The following S1PR2 variants were observed in gnomAD, a reference collection of about 807,000 sequenced individuals.
The protein encoded by S1PR2 is sphingosine 1-phosphate receptor 2.
Under a neutral mutation model 16.1 loss-of-function variants are expected in S1PR2, and 9 were observed. That is an observed-to-expected ratio of 0.56 (90% CI 0.34 to 0.98). S1PR2 has a LOEUF of 0.98. Among genes scored for constraint, S1PR2 ranks in the 50% least tolerant of loss-of-function variants. The probability of loss-of-function intolerance (pLI) is 0.02; values close to 1 mark genes in which losing one functional copy is unlikely to be tolerated. For missense variants in S1PR2, 361 were observed against 488.4 expected (o/e 0.74, Z 2.46); for synonymous variants, 224 against 233.9 (o/e 0.96, Z 0.38).
At position 10,222,839 on chromosome 19, in the gene S1PR2, G is replaced by A. The variant is rs2039601457; in HGVS notation, c.*1005C>T. On this transcript the variant is annotated 3_prime_UTR_variant, in exon 2 of 2. Transcript: ENST00000646641. ...ATTCGAAAAGGAGAAATCGGTGCAG[G>A]ACTAGGGGCCAGGGAAGAAAATGCA... 6.6e-6 allele frequency: 1 copy of A among 152,322 alleles called. No homozygotes were observed. The highest frequency in any genetic ancestry group is 1.5e-5 in the Non-Finnish European group (1 of 68,186). The allele number at this position is 152,322 out of a possible 1,614,324, so 9.4% of individuals were successfully genotyped here. A position where few individuals can be genotyped will look rare whatever the true frequency, so the allele number is the denominator to read the frequency against.
At chr19:10,226,327 C>T (rs1025045903) in intron 1 of S1PR2, among the ~76,000 whole-genome samples, 1 of 152,204 alleles carries the variant, frequency 6.6e-6, no homozygotes, top group Admixed American at 6.5e-5. Context: ...AGGACACAGA[C>T]CTTGAAGGCA....
chr19:10,224,105 G>A lies in S1PR2; in HGVS notation c.801C>T (p.Leu267=). ...YACPVHSCPI[L]YKAHYFFAVS... ...CGGCGAAAAAGTAGTGGGCTTTGTA[G>A]AGGATCGGGCAGGAGTGGACGGGAC... The change falls in exon 2 of 2, where the codon CTC becomes CTT. Residue 267 remains leucine, a synonymous_variant. Transcript: ENST00000646641. 3 of 1,605,240 alleles carry A rather than the reference G, an allele frequency of 1.9e-6. No homozygotes were observed. Among genetic ancestry groups the A allele is most frequent in the South Asian group, 2.2e-5 (2 of 91,092 alleles).
At chr19:10,228,336 A>G (rs948018748) in intron 1 of S1PR2, among the ~76,000 whole-genome samples, 5 of 148,282 alleles carry the variant, frequency 3.4e-5, no homozygotes, top group Admixed American at 1.4e-4. Context: ...AAAACAAAAC[A>G]AAATGAAATG....
intron 1 of S1PR2, chr19:10,230,378 C>G (rs2145446730): frequency 6.5e-6 from 1 of 154,612 alleles, no homozygotes; most frequent in Admixed American, 6.5e-5. Flanking sequence ...TCTGGGAAGA[C>G]TGGGGGTGGG....
At position 10,222,434 on chromosome 19, in the gene S1PR2, T is replaced by C. The variant is rs1599233840; in HGVS notation, c.*1410A>G. On this transcript the variant is annotated 3_prime_UTR_variant, in exon 2 of 2. Coordinates refer to ENST00000646641, the MANE Select transcript of S1PR2 (RefSeq NM_004230.4). ...CTGAGAATAGCTTGGGGGGTGGCTGTTTTTGAAAGGAGGGTGTCTGTGCAA... is the reference window on the plus strand; with the variant it reads ...CTGAGAATAGCTTGGGGGGTGGCTGCTTTTGAAAGGAGGGTGTCTGTGCAA... 6.6e-6 allele frequency: 1 copy of C among 152,116 alleles called. No individual in the cohort carries two copies. Among genetic ancestry groups the C allele is most frequent in the African/African-American group, 2.4e-5 (1 of 41,360 alleles). 9.4% of individuals were successfully genotyped at this position (152,116 alleles called of 1,614,324 possible).
Position 10,225,962 on chromosome 19 carries a change from T to G in S1PR2, c.-42-1015A>C, listed in dbSNP as rs1425726685. Reference sequence around the variant, plus strand: ...GGCTCAAGTGATCCTCCTGCCTCAGTCTCCTGAGTAGCTACACGCTTTCAA... The same window carrying G: ...GGCTCAAGTGATCCTCCTGCCTCAGGCTCCTGAGTAGCTACACGCTTTCAA... On this transcript the variant is annotated intron_variant, in intron 1 of 1. Transcript: ENST00000646641. Among the ~76,000 whole-genome samples, 7 of 152,024 alleles carry G rather than the reference T, an allele frequency of 4.6e-5. No individual in the cohort carries two copies. In the South Asian group the frequency reaches 1.5e-3, roughly 32 times the overall value.
chr19:10,225,778 A>G (rs1381850492), intron 1 of S1PR2, among the ~76,000 whole-genome samples: 1 of 151,610 alleles, frequency 6.6e-6, no homozygotes, highest in Non-Finnish European at 1.5e-5. Context: ...GCTTCAAGCA[A>G]TTCTCCTCGG....
intron 1 of S1PR2, among the ~76,000 whole-genome samples, chr19:10,228,521 CATCTT>C (rs780700740): frequency 3.3e-5 from 5 of 152,150 alleles, no homozygotes; most frequent in African/African-American, 7.2e-5. Flanking sequence ...ATCCAAGACT[CATCTT>C]AACCACTAGG....
chr19:10,224,466 C>A lies in S1PR2; in HGVS notation c.440G>T (p.Arg147Leu), dbSNP rs774105619. Residue 147 changes from arginine (R) to leucine (L), a missense_variant, in exon 2 of 2, where the codon CGC becomes CTC. Transcript: ENST00000646641. ...CGAGGCCCCGATGAGCAGAAGCATG[C>A]GGCAGCTCTTGTCGCTGCCATACAG... Reference protein sequence around the residue: ...VKLYGSDKSCRMLLLIGASWL... With the variant: ...VKLYGSDKSCLMLLLIGASWL... The A allele has an allele frequency of 6.2e-7, 1 of 1,613,732 alleles. No homozygotes were observed. The highest frequency in any genetic ancestry group is 8.5e-7 in the Non-Finnish European group (1 of 1,180,040).
chr19:10,224,120 G>A lies in S1PR2; in HGVS notation c.786C>T (p.His262=). 1 of 1,604,918 alleles carries A rather than the reference G, an allele frequency of 6.2e-7. No homozygotes were observed. Among genetic ancestry groups the A allele is most frequent in the East Asian group, 2.2e-5 (1 of 44,888 alleles). ...GGGCTTTGTAGAGGATCGGGCAGGA[G>A]TGGACGGGACAGGCATAGTCCAGAA... The part of the protein sequence containing the change: ...ILLLDYACPV[H]SCPILYKAHY... Residue 262 remains histidine (H), a synonymous_variant, in exon 2 of 2, where the codon CAC becomes CAT. Coordinates refer to ENST00000646641, the MANE Select transcript of S1PR2 (RefSeq NM_004230.4).
rs944616900 is a variant in S1PR2 at position 10,227,844 on chromosome 19, A to G, written c.-42-2897T>C. ...TGAACCGCAGCCTGACCTCTGGGTC[A>G]CCCCGACCAGACACCCCCAGGCTGC... On this transcript the variant is annotated intron_variant, in intron 1 of 1. Coordinates refer to ENST00000646641, the MANE Select transcript of S1PR2 (RefSeq NM_004230.4). Among the ~76,000 whole-genome samples the G allele has an allele frequency of 2.0e-5, 3 of 151,868 alleles. No homozygotes were observed. In the South Asian group the frequency reaches 6.2e-4, roughly 31 times the overall value.
intron 1 of S1PR2, 132 bp downstream of exon 1, chr19:10,231,072 C>G (rs981390037): frequency 6.6e-5 from 10 of 152,570 alleles, no homozygotes; most frequent in Non-Finnish European, 1.0e-4. Flanking sequence ...TGTGACCACC[C>G]GCTCCGTGCA....
At position 10,222,616 on chromosome 19, in the gene S1PR2, G is replaced by T. The variant is rs1229013753; in HGVS notation, c.*1228C>A. The T allele has an allele frequency of 6.6e-6, 1 of 152,276 alleles. No individual in the cohort carries two copies. The highest frequency in any genetic ancestry group is 1.5e-5 in the Non-Finnish European group (1 of 68,046). 9.4% of individuals were successfully genotyped at this position (152,276 alleles called of 1,614,324 possible). A position where few individuals can be genotyped will look rare whatever the true frequency, so the allele number is the denominator to read the frequency against. ...GTCTGAGAATGAGGAATGGACCTCAGCCGCCATCCCCTCCCCACCTCCAGC... is the reference window on the plus strand; with the variant it reads ...GTCTGAGAATGAGGAATGGACCTCATCCGCCATCCCCTCCCCACCTCCAGC... On this transcript the variant is annotated 3_prime_UTR_variant, in exon 2 of 2. Coordinates refer to ENST00000646641, the MANE Select transcript of S1PR2 (RefSeq NM_004230.4).
rs749062515 is a variant in S1PR2, at chr19:10,224,453, G to A, written c.453C>T (p.Leu151=). ...GCGAGATGAGCCACGAGGCCCCGATGAGCAGAAGCATGCGGCAGCTCTTGT... is the reference window on the plus strand; with the variant it reads ...GCGAGATGAGCCACGAGGCCCCGATAAGCAGAAGCATGCGGCAGCTCTTGT... ...GSDKSCRMLL[L]IGASWLISLV... Residue 151 remains leucine, a synonymous_variant, in exon 2 of 2, where the codon CTC becomes CTT. Transcript: ENST00000646641. 1 of 1,613,810 alleles carries A rather than the reference G, an allele frequency of 6.2e-7. No individual in the cohort carries two copies. The highest frequency in any genetic ancestry group is 8.5e-7 in the Non-Finnish European group (1 of 1,179,994).
chr19:10,226,414 T>C (rs2039635022), intron 1 of S1PR2, among the ~76,000 whole-genome samples: 1 of 152,222 alleles, frequency 6.6e-6, no homozygotes, highest in African/African-American at 2.4e-5. Flanking sequence ...AACCTCCTTA[T>C]CTGTGCAATA....
chr19:10,227,876 C>G (rs1175344440), intron 1 of S1PR2, among the ~76,000 whole-genome samples: 3 of 152,136 alleles, frequency 2.0e-5, no homozygotes, highest in Admixed American at 6.5e-5. Context: ...CTGCCCTGGC[C>G]TGCTGGGCCC....
At position 10,223,669 on chromosome 19, in the gene S1PR2, A is replaced by G. The variant is rs2039608557; in HGVS notation, c.*175T>C. The G allele has an allele frequency of 6.5e-6, 4 of 616,382 alleles. No individual in the cohort carries two copies. Among genetic ancestry groups the G allele is most frequent in the Non-Finnish European group, 8.4e-6 (3 of 355,432 alleles). 38.2% of individuals were successfully genotyped at this position (616,382 alleles called of 1,614,324 possible). On this transcript the variant is annotated 3_prime_UTR_variant, in exon 2 of 2. Coordinates refer to ENST00000646641, the MANE Select transcript of S1PR2 (RefSeq NM_004230.4). ...CTCAGGACCGCACTGCAACACTGCT[A>G]TGTGACTAGTCAGTGCCTTATCTGG...
intron 1 of S1PR2, among the ~76,000 whole-genome samples, chr19:10,227,814 G>A (rs1250688597): frequency 6.6e-6 from 1 of 152,092 alleles, no homozygotes; most frequent in African/African-American, 2.4e-5. Flanking sequence ...TCCCTAGGGG[G>A]AGTTTGAACC....
rs751157414 is a variant in S1PR2 at position 10,224,216 on chromosome 19, G to C, written c.690C>G (p.Ala230=). The change falls in exon 2 of 2, where the codon GCC becomes GCG. Residue 230 remains alanine, a synonymous_variant. Transcript: ENST00000646641. ...GCACGATGGTGACCGTCTTGAGCAG[G>C]GCTAGCGTCTGCGGGGCGGCCATGT... ...HADMAAPQTL[A]LLKTVTIVLG... 2 of 1,612,982 alleles carry C rather than the reference G, an allele frequency of 1.2e-6. No individual in the cohort carries two copies. Among genetic ancestry groups the C allele is most frequent in the East Asian group, 4.5e-5 (2 of 44,890 alleles).
Sources: gnomAD v4.1 joint callset for allele counts (sites outside exome capture counted in the v4.1 genomes callset) on GRCh38, gnomAD v4.1.1 for gene constraint, MANE v1.5 for transcripts, NCBI Gene and HGNC (gene_info 2026-07-23, HGNC 2026-07-21) for gene names.